The following RASD1 variants were observed in gnomAD, a reference collection of about 807,000 sequenced individuals.
RASD1 encodes the protein dexamethasone-induced Ras-related protein 1.
A neutral mutation model predicts 16.7 loss-of-function variants in RASD1; 13 were observed. The ratio of observed to expected loss-of-function variants is 0.78; its 90% confidence interval spans 0.51 to 1.24. RASD1 has a LOEUF of 1.24. Among genes scored for constraint, RASD1 ranks in the 50% most tolerant of loss-of-function variants. The probability of loss-of-function intolerance (pLI) is 0.00; values close to 1 mark genes in which losing one functional copy is unlikely to be tolerated. For missense variants in RASD1, 397 were observed against 407.5 expected, an observed-to-expected ratio of 0.97 and a Z score of 0.22; for synonymous variants, 170 against 172.6, an observed-to-expected ratio of 0.98 and a Z score of 0.12.
Position 17,495,405 on chromosome 17 carries a change from C to CG in RASD1, c.565dup (p.Arg189ProfsTer195). 1 of 1,604,270 alleles carries CG rather than the reference C, an allele frequency of 6.2e-7. No individual in the cohort carries two copies. Among genetic ancestry groups the CG allele is most frequent in the Non-Finnish European group, 8.5e-7 (1 of 1,175,998 alleles). On this transcript the variant is annotated frameshift_variant, in exon 2 of 2. Transcript: ENST00000225688. LOFTEE classifies it high-confidence loss of function. ...CAGCTTGGCCATGGCGAAGAGCGCG[C>CG]GGAACATCTGGTCCAGGCTGCTGTT...
chr17:17,495,761 CCGCGCGGGG>C (rs1905410775), intron 1 of RASD1, 77 bp from the exon 2 acceptor site: 1 of 1,474,548 alleles, frequency 6.8e-7, no homozygotes, highest in Non-Finnish European at 9.0e-7. Flanking sequence ...GACTTTGAGG[CCGCGCGGGG>C]CGCGCTAGCC....
Position 17,494,493 on chromosome 17 carries a change from T to C in RASD1, c.*632A>G, listed in dbSNP as rs925396098. The C allele has an allele frequency of 2.7e-5, 4 of 150,402 alleles. No individual in the cohort carries two copies. The East Asian group carries it at 7.9e-4, about 30-fold the overall frequency. 9.3% of individuals were successfully genotyped at this position (150,402 alleles called of 1,614,324 possible). ...AAAAAACCAAATAAAGCAATAACTT[T>C]AAAGACCTCAGACACACACAGTATA... On this transcript the variant is annotated 3_prime_UTR_variant, in exon 2 of 2. Coordinates refer to ENST00000225688, the MANE Select transcript of RASD1 (RefSeq NM_016084.5).
intron 1 of RASD1, 26 bp from the exon 2 acceptor site, chr17:17,495,710 A>C (rs1567645965): frequency 1.3e-6 from 2 of 1,574,448 alleles, no homozygotes; most frequent in South Asian, 2.4e-5. Flanking sequence ...AGAGCAGAAA[A>C]GGAGAAGGTG....
rs749064527 is a variant in RASD1, at chr17:17,495,303, C to T, written c.668G>A (p.Arg223Gln). 7.1e-6 allele frequency: 11 copies of T among 1,554,958 alleles called. No homozygotes were observed. In the South Asian group the frequency reaches 1.2e-4, roughly 17 times the overall value. Residue 223 changes from arginine to glutamine, a missense_variant, in exon 2 of 2, where the codon CGG becomes CAG. Coordinates refer to ENST00000225688, the MANE Select transcript of RASD1 (RefSeq NM_016084.5). ...YCDVLHKKAL[R>Q]NKKLLRAGSG... ...GCCGGCCCGCAGCAGCTTCTTGTTC[C>T]GCAGCGCCTTCTTGTGCAGCACGTC... is the stretch of plus-strand genomic sequence containing the variant.
chr17:17,494,850 C>G lies in RASD1; in HGVS notation c.*275G>C. 1.8e-6 allele frequency: 1 copy of G among 549,720 alleles called. No homozygotes were observed. The highest frequency in any genetic ancestry group is 3.2e-6 in the Non-Finnish European group (1 of 314,194). 34.1% of individuals were successfully genotyped at this position (549,720 alleles called of 1,614,324 possible). Reference sequence around the variant, plus strand: ...AGGTCTTTGAGAAGATAAATCCACCCTCGGCTGGGCCCTCGCTCCCAAAGT... The same window carrying G: ...AGGTCTTTGAGAAGATAAATCCACCGTCGGCTGGGCCCTCGCTCCCAAAGT... On this transcript the variant is annotated 3_prime_UTR_variant, in exon 2 of 2. Transcript: ENST00000225688.
chr17:17,495,775 C>G, intron 1 of RASD1, 91 bp from the exon 2 acceptor site: 1 of 1,456,906 alleles, frequency 6.9e-7, no homozygotes, highest in Non-Finnish European at 9.1e-7. Context: ...GCGGGGCGCG[C>G]TAGCCTCTCT....
chr17:17,495,215 C>T lies in RASD1; in HGVS notation c.756G>A (p.Arg252=), dbSNP rs373249882. ...ACATGAGGTCGCTGTGTACGCTGGGCCGGCGCGCGAAGGGTGCCACGATGC... is the reference window on the plus strand; with the variant it reads ...ACATGAGGTCGCTGTGTACGCTGGGTCGGCGCGCGAAGGGTGCCACGATGC... ...AFGIVAPFAR[R]PSVHSDLMYI... is the part of the protein sequence containing the mutation. Residue 252 remains arginine (R), a synonymous_variant, in exon 2 of 2, where the codon CGG becomes CGA. Coordinates refer to ENST00000225688, the MANE Select transcript of RASD1 (RefSeq NM_016084.5). 6 of 1,610,326 alleles carry T rather than the reference C, an allele frequency of 3.7e-6. No homozygotes were observed. Among genetic ancestry groups the T allele is most frequent in the African/African-American group, 1.3e-5 (1 of 74,882 alleles).
chr17:17,495,097 A>C lies in RASD1; in HGVS notation c.*28T>G. 6.2e-7 allele frequency: 1 copy of C among 1,608,700 alleles called. No homozygotes were observed. Among genetic ancestry groups the C allele is most frequent in the African/African-American group, 1.3e-5 (1 of 74,766 alleles). ...TTGACTTAACAAAAAGGTCCTCCTTAGGTTGTGTCGCCAGCGCGGCGGGGC... is the reference window on the plus strand; with the variant it reads ...TTGACTTAACAAAAAGGTCCTCCTTCGGTTGTGTCGCCAGCGCGGCGGGGC... On this transcript the variant is annotated 3_prime_UTR_variant, in exon 2 of 2. Coordinates refer to ENST00000225688, the MANE Select transcript of RASD1 (RefSeq NM_016084.5).
rs749596673 is a variant in RASD1 at position 17,495,113 on chromosome 17, G to T, written c.*12C>A. 1.2e-6 allele frequency: 2 copies of T among 1,609,930 alleles called. No homozygotes were observed. The highest frequency in any genetic ancestry group is 2.2e-5 in the South Asian group (2 of 90,876). The stretch of plus-strand genomic sequence containing the variant: ...GTCCTCCTTAGGTTGTGTCGCCAGC[G>T]CGGCGGGGCTCCTAGCTGATGACGC... On this transcript the variant is annotated 3_prime_UTR_variant, in exon 2 of 2. Transcript: ENST00000225688.
At position 17,496,366 on chromosome 17, in the gene RASD1, C is replaced by A; in HGVS notation, c.-185G>T. On this transcript the variant is annotated 5_prime_UTR_variant, in exon 1 of 2. Transcript: ENST00000225688. ...CTAGGCTGGGCTCGGCTGGGGTTCTCCCAGGATCTGGGCACAGGCCGCTTG... is the reference window on the plus strand; with the variant it reads ...CTAGGCTGGGCTCGGCTGGGGTTCTACCAGGATCTGGGCACAGGCCGCTTG... The A allele has an allele frequency of 1.6e-6, 1 of 627,910 alleles. No individual in the cohort carries two copies. Among genetic ancestry groups the A allele is most frequent in the Non-Finnish European group, 2.6e-6 (1 of 390,492 alleles). 38.9% of individuals were successfully genotyped at this position (627,910 alleles called of 1,614,324 possible).
In RASD1 at chr17:17,496,144, C is replaced by G. The variant is rs371878143; in HGVS notation, c.38G>C (p.Ser13Thr). ...LAAMIKKMCP[S>T]DSELSIPAKN... ...GGCCGGGATACTCAGCTCCGAGTCG[C>G]TCGGGCACATCTTCTTGATCATCGC... Residue 13 changes from serine (S) to threonine (T), a missense_variant, in exon 1 of 2, where the codon AGC becomes ACC. Physicochemically the swap from Ser to Thr is moderately conservative, Grantham distance 58 (BLOSUM62 1). Transcript: ENST00000225688. 1 of 1,611,712 alleles carries G rather than the reference C, an allele frequency of 6.2e-7. No homozygotes were observed. The highest frequency in any genetic ancestry group is 1.3e-5 in the African/African-American group (1 of 74,904).
At position 17,495,211 on chromosome 17, in the gene RASD1, T is replaced by C. The variant is rs532568598; in HGVS notation, c.760A>G (p.Ser254Gly). 6.2e-6 allele frequency: 10 copies of C among 1,610,984 alleles called. No homozygotes were observed. The African/African-American group carries it at 1.3e-4, about 21-fold the overall frequency. ...ATGTACATGAGGTCGCTGTGTACGC[T>C]GGGCCGGCGCGCGAAGGGTGCCACG... ...GIVAPFARRP[S>G]VHSDLMYIRE... Residue 254 changes from serine (S) to glycine (G), a missense_variant, in exon 2 of 2, where the codon AGC becomes GGC. Physicochemically the swap from Ser to Gly is moderately conservative, Grantham distance 56. Coordinates refer to ENST00000225688, the MANE Select transcript of RASD1 (RefSeq NM_016084.5).
In RASD1 at chr17:17,494,998, T is replaced by C; in HGVS notation, c.*127A>G. On this transcript the variant is annotated 3_prime_UTR_variant, in exon 2 of 2. Transcript: ENST00000225688. ...CGGTTCAGTGGCGCCTCCCCAGTGC[T>C]GGGGGCGGATCGCCGGGAGGGGAGA... The C allele has an allele frequency of 8.2e-7, 1 of 1,213,660 alleles. No homozygotes were observed. The highest frequency in any genetic ancestry group is 1.6e-5 in the African/African-American group (1 of 63,770). The allele number at this position is 1,213,660 out of a possible 1,614,324, so 75.2% of individuals were successfully genotyped here.
Position 17,496,068 on chromosome 17 carries a change from C to T in RASD1, c.114G>A (p.Thr38=). 6.2e-7 allele frequency: 1 copy of T among 1,614,114 alleles called. No homozygotes were observed. The highest frequency in any genetic ancestry group is 8.5e-7 in the Non-Finnish European group (1 of 1,180,030). Residue 38 remains threonine, a synonymous_variant, in exon 1 of 2, where the codon ACG becomes ACA. Coordinates refer to ENST00000225688, the MANE Select transcript of RASD1 (RefSeq NM_016084.5). The part of the protein sequence containing the change: ...VILGSSKVGK[T]AIVSRFLTGR... The stretch of plus-strand genomic sequence containing the variant: ...CGGTGAGGAAGCGCGACACGATGGC[C>T]GTCTTGCCCACCTTGGACGAGCCGA...
Position 17,495,149 on chromosome 17 carries a change from G to C in RASD1, c.822C>G (p.Asp274Glu), listed in dbSNP as rs768566457. ...EKASAGSQAK[D>E]KERCVIS ...CCTAGCTGATGACGCAGCGCTCCTT[G>C]TCCTTGGCCTGGCTGCCGGCGCTGG... Residue 274 changes from aspartate to glutamate, a missense_variant, in exon 2 of 2, where the codon GAC (aspartate) becomes GAG (glutamate). Transcript: ENST00000225688. 6.2e-7 allele frequency: 1 copy of C among 1,611,688 alleles called. No individual in the cohort carries two copies. Among genetic ancestry groups the C allele is most frequent in the Non-Finnish European group, 8.5e-7 (1 of 1,179,710 alleles).
Position 17,496,283 on chromosome 17 carries a change from G to A in RASD1, c.-102C>T. 1.5e-6 allele frequency: 2 copies of A among 1,303,168 alleles called. No individual in the cohort carries two copies. The highest frequency in any genetic ancestry group is 1.5e-5 in the South Asian group (1 of 67,044). 80.7% of individuals were successfully genotyped at this position (1,303,168 alleles called of 1,614,324 possible). On this transcript the variant is annotated 5_prime_UTR_variant, in exon 1 of 2. Transcript: ENST00000225688. ...GCGGGGTGAGCGGCTGGAGGGCTCT[G>A]CTCGGGCTGGGCGCGGCTCGGGCTT...
rs1597855100 is a variant in RASD1, at chr17:17,494,448, A to G, written c.*677T>C. ...AAAAAAAAAACCGGTTTTCCATTTT[A>G]AATTATTTTATTGTATATTAAAAAA... On this transcript the variant is annotated 3_prime_UTR_variant, in exon 2 of 2. Transcript: ENST00000225688. 1 of 136,812 alleles carries G rather than the reference A, an allele frequency of 7.3e-6. No homozygotes were observed. Among genetic ancestry groups the G allele is most frequent in the South Asian group, 2.4e-4 (1 of 4,246 alleles). 8.5% of individuals were successfully genotyped at this position (136,812 alleles called of 1,614,324 possible). A position where few individuals can be genotyped will look rare whatever the true frequency, so the allele number is the denominator to read the frequency against.
At position 17,496,041 on chromosome 17, in the gene RASD1, G is replaced by A. The variant is rs778319850; in HGVS notation, c.141C>T (p.Gly47=). 44 of 1,613,998 alleles carry A rather than the reference G, an allele frequency of 2.7e-5. 1 individual carries two copies. Among genetic ancestry groups the A allele is most frequent in the Non-Finnish European group, 9.3e-6 (11 of 1,180,038 alleles). ...TAGGCGTGTAGGCGTCCTCGAAGCG[G>A]CCGGTGAGGAAGCGCGACACGATGG... ...KTAIVSRFLT[G]RFEDAYTPTI... is the part of the protein sequence containing the mutation. Residue 47 remains glycine, a synonymous_variant, in exon 1 of 2, where the codon GGC becomes GGT. Transcript: ENST00000225688.
In RASD1 at chr17:17,495,930, C is replaced by G. The variant is rs1303146222; in HGVS notation, c.252G>C (p.Pro84=). 8 of 1,610,760 alleles carry G rather than the reference C, an allele frequency of 5.0e-6. No homozygotes were observed. The highest frequency in any genetic ancestry group is 1.3e-5 in the African/African-American group (1 of 74,918). The part of the protein sequence containing the change: ...LDILDTSGNH[P]FPAMRRLSIL... ...TGGAGAGGCGCCGCATGGCGGGGAA[C>G]GGGTGGTTGCCGGACGTGTCGAGGA... The change falls in exon 1 of 2, where the codon CCG becomes CCC. Residue 84 remains proline, a synonymous_variant. Transcript: ENST00000225688.
Sources: gnomAD v4.1 joint callset for allele counts on GRCh38, gnomAD v4.1.1 for gene constraint, MANE v1.5 for transcripts, NCBI Gene and HGNC (gene_info 2026-07-23, HGNC 2026-07-21) for gene names.